The following TRPA1 variants were observed in gnomAD, a reference collection of about 807,000 sequenced individuals.
TRPA1 encodes ankyrin-like with transmembrane domains 1.
A neutral mutation model predicts 131.3 loss-of-function variants in TRPA1; 129 were observed. That is an observed-to-expected ratio of 0.98 (90% CI 0.85 to 1.14). The LOEUF is 1.14. Among genes scored for constraint, TRPA1 ranks in the 50% most tolerant of loss-of-function variants. The pLI, the probability that TRPA1 is intolerant of heterozygous loss-of-function variation, is 0.00. For missense variants in TRPA1, 1,304 were observed against 1,354.2 expected (o/e 0.96, Z 0.58); for synonymous variants, 441 against 451.7 (o/e 0.98, Z 0.30).
In TRPA1 at chr8:72,069,113, G is replaced by A. The variant is rs146503939; in HGVS notation, c.354C>T (p.Leu118=). 29 of 1,614,218 alleles carry A rather than the reference G, an allele frequency of 1.8e-5. No homozygotes were observed. The African/African-American group carries it at 3.2e-4, about 18-fold the overall frequency. ...KNQIESVKFL[L]SRGANPNLRN... ...GGAGATTTGGGTTTGCTCCTCTGCT[G>A]AGAAGAAACTTAACGCTTTCAATTT... The change falls in exon 3 of 27, where the codon CTC becomes CTT. Residue 118 remains leucine (L), a synonymous_variant. Coordinates refer to ENST00000262209, the MANE Select transcript of TRPA1 (RefSeq NM_007332.3).
Position 72,055,675 on chromosome 8 carries a change from C to A in TRPA1, c.1364+11G>T, listed in dbSNP as rs764044377. 1 of 1,613,672 alleles carries A rather than the reference C, an allele frequency of 6.2e-7. No individual in the cohort carries two copies. Among genetic ancestry groups the A allele is most frequent in the East Asian group, 2.2e-5 (1 of 44,868 alleles). On this transcript the variant is annotated intron_variant, in intron 11 of 26. Coordinates refer to ENST00000262209, the MANE Select transcript of TRPA1 (RefSeq NM_007332.3). ...GAAGACATGTTCATACATTGCTAGA[C>A]TGACCCTTACCTGGCTGCAAAATGC...
chr8:72,084,222 T>C, the TRPA1 span, among the ~76,000 whole-genome samples: 1 of 152,184 alleles, frequency 6.6e-6, no homozygotes, highest in African/African-American at 2.4e-5. Flanking sequence ...TTGATTTTTG[T>C]ATTGTTATTG....
chr8:72,025,368 C>A (rs1811561956), intron 25 of TRPA1, among the ~76,000 whole-genome samples: 1 of 152,056 alleles, frequency 6.6e-6, no homozygotes, highest in Non-Finnish European at 1.5e-5. Context: ...GAAGAAGGTG[C>A]CTTGCTTCCC....
At chr8:72,086,827 A>T in the TRPA1 span, among the ~76,000 whole-genome samples, 1 of 152,152 alleles carries the variant, frequency 6.6e-6, no homozygotes. Context: ...GCTTTGGGAA[A>T]TTTTATTCCA....
At chr8:72,042,156 G>T (rs1416997859) in intron 17 of TRPA1, among the ~76,000 whole-genome samples, 3 of 151,734 alleles carry the variant, frequency 2.0e-5, no homozygotes, top group African/African-American at 7.3e-5. Flanking sequence ...ATCTTATAAG[G>T]AGTTAATATC....
chr8:72,080,117 G>A (rs57623469), upstream of TRPA1, among the ~76,000 whole-genome samples: 5,831 of 151,694 alleles, frequency 0.038, 378 homozygotes, highest in African/African-American at 0.13. Flanking sequence ...TCTTCCTTTT[G>A]CAATTGTATG....
At chr8:72,031,461 A>C (rs1811810959) in intron 23 of TRPA1, among the ~76,000 whole-genome samples, 1 of 151,678 alleles carries the variant, frequency 6.6e-6, no homozygotes, top group African/African-American at 2.4e-5. Flanking sequence ...ACCTGTAGTT[A>C]CAGCTTCTGG....
rs542428997 is a variant in TRPA1, at chr8:72,069,260, G to C, written c.269-62C>G. 28 of 1,538,986 alleles carry C rather than the reference G, an allele frequency of 1.8e-5. No homozygotes were observed. The African/African-American group carries it at 3.3e-4, about 18-fold the overall frequency. On this transcript the variant is annotated intron_variant, in intron 2 of 26. Transcript: ENST00000262209. The stretch of plus-strand genomic sequence containing the variant: ...TTAGACTGTATTCAACACCTCCTGA[G>C]TGCCTATACACTATAAAACTCAGTG...
At chr8:72,052,946 G>A in intron 13 of TRPA1, 181 bp from the exon 14 acceptor site, 1 of 530,888 alleles carries the variant, frequency 1.9e-6, no homozygotes, top group South Asian at 1.8e-5. Context: ...TGGTGTGTGT[G>A]CATGTGTGGG....
chr8:72,069,895 T>C (rs1806019146), intron 2 of TRPA1, among the ~76,000 whole-genome samples: 1 of 151,776 alleles, frequency 6.6e-6, no homozygotes, highest in African/African-American at 2.4e-5. Flanking sequence ...CACAGCAGAG[T>C]GCCTGGCCTG....
At chr8:72,059,461 A>T in intron 7 of TRPA1, 23 bp from the exon 8 acceptor site, 1 of 1,446,604 alleles carries the variant, frequency 6.9e-7, no homozygotes, top group Non-Finnish European at 9.6e-7. Flanking sequence ...AATTATAAAC[A>T]TTATAATTAA....
chr8:72,052,493 T>G (rs1393752298), intron 14 of TRPA1, 106 bp downstream of exon 14: 3 of 1,446,126 alleles, frequency 2.1e-6, no homozygotes, highest in East Asian at 2.3e-5. Flanking sequence ...ATTTTAAATT[T>G]TGATTAATGG....
chr8:72,079,689 T>G (rs1239276899), upstream of TRPA1, among the ~76,000 whole-genome samples: 1 of 151,974 alleles, frequency 6.6e-6, no homozygotes, highest in African/African-American at 2.4e-5. Context: ...GATGCCTTGA[T>G]GGCTGATGAA....
chr8:72,073,417 G>A (rs1806107752), intron 1 of TRPA1, among the ~76,000 whole-genome samples: 1 of 152,114 alleles, frequency 6.6e-6, no homozygotes, highest in African/African-American at 2.4e-5. Flanking sequence ...TGTATGTGCT[G>A]GAGAAAATAT....
intron 15 of TRPA1, among the ~76,000 whole-genome samples, chr8:72,048,016 C>T (rs1341288342): frequency 6.6e-6 from 1 of 150,932 alleles, no homozygotes; most frequent in Non-Finnish European, 1.5e-5. Context: ...ATGTGCCAAG[C>T]AACACGGAGA....
At chr8:72,039,174 A>G in intron 18 of TRPA1, 147 bp from the exon 19 acceptor site, 3 of 799,852 alleles carry the variant, frequency 3.8e-6, no homozygotes, top group Non-Finnish European at 6.1e-6. Flanking sequence ...CTTCTAATTC[A>G]CCTTTTTCAT....
rs569906934 is a variant in TRPA1, at chr8:72,038,752, A to C, written c.2295+113T>G. 4.5e-5 allele frequency: 40 copies of C among 897,834 alleles called. No individual in the cohort carries two copies. In the East Asian group the frequency reaches 1.0e-3, roughly 23 times the overall value. The allele number at this position is 897,834 out of a possible 1,614,324, so 55.6% of individuals were successfully genotyped here. A position where few individuals can be genotyped will look rare whatever the true frequency, so the allele number is the denominator to read the frequency against. On this transcript the variant is annotated intron_variant, in intron 19 of 26. Transcript: ENST00000262209. ...ATTATTACTGTATACAAATTCTTACAGGCTATTTATAATAAAGTCCTGATA... is the reference window on the plus strand; with the variant it reads ...ATTATTACTGTATACAAATTCTTACCGGCTATTTATAATAAAGTCCTGATA...
At position 72,038,876 on chromosome 8, in the gene TRPA1, G is replaced by A. The variant is rs143194610; in HGVS notation, c.2284C>T (p.Leu762=). Residue 762 remains leucine (L), a synonymous_variant, in exon 19 of 27, where the codon CTA becomes TTA. Transcript: ENST00000262209. The part of the protein sequence containing the change: ...INETSDHSEI[L]DTTNSYLIKT... The stretch of plus-strand genomic sequence containing the variant: ...AAATTTGAAATTACCGTGGTATCTA[G>A]TATTTCTGAATGATCACTAGTTTCA... 6.8e-6 allele frequency: 11 copies of A among 1,611,448 alleles called. No individual in the cohort carries two copies. The African/African-American group carries it at 1.1e-4, about 16-fold the overall frequency.
At chr8:72,079,218 A>C (rs1806243999), upstream of TRPA1, among the ~76,000 whole-genome samples, 1 of 151,936 alleles carries the variant, frequency 6.6e-6, no homozygotes, top group Non-Finnish European at 1.5e-5. Context: ...GTGCCTTTTG[A>C]AAAGCAAAAC....
Sources: allele counts gnomAD v4.1 joint callset (sites outside exome capture counted in the v4.1 genomes callset), GRCh38; gene constraint gnomAD v4.1.1; transcripts MANE v1.5; gene names NCBI Gene and HGNC (gene_info 2026-07-23, HGNC 2026-07-21).